Variants in GPC5 observed in about 807,000 individuals in gnomAD.
The protein encoded by GPC5 is glypican-5.
Under a neutral mutation model 53.9 loss-of-function variants are expected in GPC5, and 47 were observed. That is an observed-to-expected ratio of 0.87 (90% confidence interval 0.69 to 1.11). The LOEUF (loss-of-function observed/expected upper bound fraction) is 1.11, where lower values mean the gene tolerates loss of function less well. Ranked by LOEUF, GPC5 falls within the 50% of genes most tolerant of loss-of-function variation. The pLI, the probability that GPC5 is intolerant of heterozygous loss-of-function variation, is 0.00. For missense variants in GPC5, 748 were observed against 713.1 expected (o/e 1.05, Z -0.56); for synonymous variants, 286 against 263.3 (o/e 1.09, Z -0.84).
chr13:92,239,153 C>CTTT (rs370167814), intron 7 of GPC5, among the ~76,000 whole-genome samples: 1 of 125,850 alleles, frequency 7.9e-6, no homozygotes, highest in Non-Finnish European at 1.7e-5. Flanking sequence ...AGTCTTTCAA[C>CTTT]TTTTTTTTTT....
intron 2 of GPC5, among the ~76,000 whole-genome samples, chr13:91,572,374 G>A (rs1464014450): frequency 6.6e-6 from 1 of 151,878 alleles, no homozygotes; most frequent in African/African-American, 2.4e-5. Context: ...GTTGTTACAA[G>A]GGAATATCTG....
At chr13:92,246,720 G>A (rs1295157115) in intron 7 of GPC5, among the ~76,000 whole-genome samples, 1 of 152,064 alleles carries the variant, frequency 6.6e-6, no homozygotes, top group Non-Finnish European at 1.5e-5. Context: ...TTTCAAATCC[G>A]GTCACGGGCT....
intron 4 of GPC5, among the ~76,000 whole-genome samples, chr13:91,743,648 A>G (rs769672072): frequency 2.9e-4 from 44 of 152,174 alleles, no homozygotes; most frequent in Non-Finnish European, 5.3e-4. Flanking sequence ...CAGATCCACC[A>G]CAATTGTCTT....
chr13:92,188,291 T>C (rs74801233), intron 7 of GPC5, among the ~76,000 whole-genome samples: 3,539 of 152,256 alleles, frequency 0.023, 146 homozygotes, highest in African/African-American at 0.079. Context: ...AAAAGACTTA[T>C]TGACAGATGA....
intron 4 of GPC5, among the ~76,000 whole-genome samples, chr13:91,739,226 T>A (rs957084245): frequency 1.3e-5 from 2 of 151,280 alleles, no homozygotes; most frequent in African/African-American, 4.9e-5. Flanking sequence ...AAATATAATA[T>A]GAGAAATAAC....
intron 6 of GPC5, among the ~76,000 whole-genome samples, chr13:92,128,978 GTAAAA>G (rs993707319): frequency 3.3e-5 from 5 of 151,912 alleles, no homozygotes; most frequent in Non-Finnish European, 7.4e-5. Context: ...AAAAATAAAA[GTAAAA>G]TAAAATCTTC....
chr13:92,286,300 A>C (rs1192990311), intron 7 of GPC5, among the ~76,000 whole-genome samples: 1 of 152,224 alleles, frequency 6.6e-6, no homozygotes, highest in African/African-American at 2.4e-5. Context: ...ATTGTAAACT[A>C]GTTCAACCAT....
intron 2 of GPC5, among the ~76,000 whole-genome samples, chr13:91,595,755 G>A (rs2032971704): frequency 6.6e-6 from 1 of 152,168 alleles, no homozygotes. Flanking sequence ...TACAGCAAAA[G>A]ACTTTGAAGG....
At chr13:91,784,131 TA>T in intron 5 of GPC5, among the ~76,000 whole-genome samples, 1 of 152,232 alleles carries the variant, frequency 6.6e-6, no homozygotes, top group African/African-American at 2.4e-5. Flanking sequence ...TGTACTGCCA[TA>T]AAAGAAAATG....
chr13:92,833,746 C>A (rs1327758439), intron 7 of GPC5, among the ~76,000 whole-genome samples: 2 of 152,078 alleles, frequency 1.3e-5, no homozygotes, highest in Non-Finnish European at 2.9e-5. Flanking sequence ...CACAGACAGC[C>A]TCACAGGTTG....
At chr13:92,836,748 G>C (rs1417095937) in intron 7 of GPC5, among the ~76,000 whole-genome samples, 1 of 152,030 alleles carries the variant, frequency 6.6e-6, no homozygotes, top group Admixed American at 6.6e-5. Context: ...TTATAGAACT[G>C]ATCATTGTAG....
chr13:92,353,266 CAAA>C (rs563794696), intron 7 of GPC5, among the ~76,000 whole-genome samples: 5 of 66,912 alleles, frequency 7.5e-5, no homozygotes, highest in East Asian at 9.2e-4. Context: ...GACTCCGTCT[CAAA>C]AAAAAAAAAA....
intron 2 of GPC5, among the ~76,000 whole-genome samples, chr13:91,544,258 A>C (rs977335044): frequency 1.3e-5 from 2 of 152,126 alleles, no homozygotes; most frequent in Admixed American, 1.3e-4. Context: ...CATTTTATGT[A>C]TTTAATATTT....
chr13:92,666,838 C>A (rs989947222), intron 7 of GPC5, among the ~76,000 whole-genome samples: 2 of 152,154 alleles, frequency 1.3e-5, no homozygotes, highest in African/African-American at 4.8e-5. Flanking sequence ...TAGTGTAATT[C>A]AATGGTTTAT....
At chr13:92,001,104 GTTCCAGAATAA>G (rs983145334) in intron 6 of GPC5, among the ~76,000 whole-genome samples, 1 of 152,168 alleles carries the variant, frequency 6.6e-6, no homozygotes, top group Non-Finnish European at 1.5e-5. Flanking sequence ...CAGCATTGTG[GTTCCAGAATAA>G]TAGGCATAGC....
chr13:91,566,905 C>T (rs1594263583), intron 2 of GPC5, among the ~76,000 whole-genome samples: 1 of 145,814 alleles, frequency 6.9e-6, no homozygotes, highest in Non-Finnish European at 1.5e-5. Flanking sequence ...GATTATATTA[C>T]AAAATTAATT....
At chr13:92,365,893 T>C (rs116258871) in intron 7 of GPC5, among the ~76,000 whole-genome samples, 2,010 of 151,314 alleles carry the variant, frequency 0.013, 111 homozygotes, top group African/African-American at 0.047. Context: ...TTTATAGTTA[T>C]CTTAAAAAAA....
intron 7 of GPC5, among the ~76,000 whole-genome samples, chr13:92,711,492 A>G (rs1011439430): frequency 6.6e-6 from 1 of 152,090 alleles, no homozygotes; most frequent in African/African-American, 2.4e-5. Context: ...AGACAAACCT[A>G]TAATTACAGT....
At chr13:91,479,022 C>G (rs1220112842) in intron 2 of GPC5, among the ~76,000 whole-genome samples, 1 of 150,744 alleles carries the variant, frequency 6.6e-6, no homozygotes, top group Non-Finnish European at 1.5e-5. Flanking sequence ...AAGCGATTCT[C>G]CTGTCTCAGC....
Sources: gnomAD v4.1 joint callset for allele counts (sites outside exome capture counted in the v4.1 genomes callset) on GRCh38, gnomAD v4.1.1 for gene constraint, MANE v1.5 for transcripts, NCBI Gene and HGNC (gene_info 2026-07-23, HGNC 2026-07-21) for gene names.